Variants in EPS15L1 observed in about 807,000 individuals in gnomAD.
EPS15L1 encodes the protein epidermal growth factor receptor pathway substrate 15 like 1.
EPS15L1 carries 43 observed loss-of-function variants against 117.1 expected under a neutral mutation model. The ratio of observed to expected loss-of-function variants is 0.37; its 90% CI spans 0.29 to 0.47. EPS15L1 has a LOEUF of 0.47. Ranked by LOEUF, EPS15L1 falls within the 20% of genes least tolerant of loss-of-function variation. EPS15L1 has a pLI of 0.99. For synonymous variants in EPS15L1, 459 were observed against 470.5 expected, an observed-to-expected ratio of 0.98 and a Z score of 0.32; for missense variants, 981 against 1,164.0, an observed-to-expected ratio of 0.84 and a Z score of 2.29.
At chr19:16,393,218 G>A (rs2092499606) in intron 18 of EPS15L1, among the ~76,000 whole-genome samples, 1 of 151,730 alleles carries the variant, frequency 6.6e-6, no homozygotes, top group Non-Finnish European at 1.5e-5. Flanking sequence ...ATTGGGATGG[G>A]GTCTCCTTTT....
At chr19:16,436,191 G>A (rs1053922184) in intron 6 of EPS15L1, among the ~76,000 whole-genome samples, 1 of 152,188 alleles carries the variant, frequency 6.6e-6, no homozygotes, top group African/African-American at 2.4e-5. Flanking sequence ...AACATGGGAC[G>A]AAAGTGCTTG....
intron 19 of EPS15L1, among the ~76,000 whole-genome samples, chr19:16,386,597 A>G (rs963824421): frequency 7.2e-5 from 11 of 152,200 alleles, no homozygotes; most frequent in Non-Finnish European, 1.5e-4. Context: ...GAGGGTGCCT[A>G]AGATTCTGGT....
chr19:16,376,604 AATC>A (rs914515693), intron 22 of EPS15L1, among the ~76,000 whole-genome samples: 11 of 152,138 alleles, frequency 7.2e-5, no homozygotes, highest in African/African-American at 2.7e-4. Context: ...CACCAAGGAC[AATC>A]TCCCGCTCCC....
At chr19:16,456,879 G>A (rs947302567) in intron 1 of EPS15L1, among the ~76,000 whole-genome samples, 2 of 152,124 alleles carry the variant, frequency 1.3e-5, no homozygotes, top group African/African-American at 4.8e-5. Flanking sequence ...TCAGGTGGAA[G>A]GGCATGTGCA....
At chr19:16,418,638 T>C (rs2144929841) in intron 10 of EPS15L1, among the ~76,000 whole-genome samples, 1 of 152,230 alleles carries the variant, frequency 6.6e-6, no homozygotes, top group East Asian at 1.9e-4. Flanking sequence ...GGAACGTTTA[T>C]GTCCCCCCAG....
intron 22 of EPS15L1, among the ~76,000 whole-genome samples, chr19:16,373,416 T>C (rs1435395016): frequency 6.6e-6 from 1 of 152,054 alleles, no homozygotes; most frequent in African/African-American, 2.4e-5. Flanking sequence ...AGGCTTTTTT[T>C]GGTTTGTTTG....
At chr19:16,395,217 A>AC in intron 17 of EPS15L1, 127 bp downstream of exon 17, 1 of 963,922 alleles carries the variant, frequency 1.0e-6, no homozygotes, top group Non-Finnish European at 1.5e-6. Context: ...AAAAAAAAAA[A>AC]AAGGCATTCC....
chr19:16,424,651 T>C (rs1014847953), intron 9 of EPS15L1, among the ~76,000 whole-genome samples: 2 of 151,686 alleles, frequency 1.3e-5, no homozygotes, highest in African/African-American at 4.8e-5. Context: ...GTTGAAATAA[T>C]GAGATAAATG....
rs2093177225 is a variant in EPS15L1 at position 16,454,579 on chromosome 19, T to C, written c.34-12360A>G. On this transcript the variant is annotated intron_variant, in intron 1 of 23. Coordinates refer to ENST00000455140, the MANE Select transcript of EPS15L1 (RefSeq NM_001258374.3). Reference sequence around the variant, plus strand: ...CCCAGGGACCCAAATGAGTGCCTTGTGAGACCAGCAGAAGACGAACATGCT... The same window carrying C: ...CCCAGGGACCCAAATGAGTGCCTTGCGAGACCAGCAGAAGACGAACATGCT... Among the ~76,000 whole-genome samples the C allele has an allele frequency of 2.0e-5, 3 of 152,120 alleles. No homozygotes were observed. The South Asian group carries it at 6.2e-4, about 31-fold the overall frequency.
chr19:16,362,546 C>T (rs75912298), intron 22 of EPS15L1, among the ~76,000 whole-genome samples: 2,223 of 108,508 alleles, frequency 0.02, 89 homozygotes, highest in African/African-American at 0.074. Flanking sequence ...TTTTCAGAGA[C>T]AGAGTCTTGC....
intron 19 of EPS15L1, among the ~76,000 whole-genome samples, chr19:16,391,905 G>C (rs2092479738): frequency 6.6e-6 from 1 of 152,068 alleles, no homozygotes; most frequent in Admixed American, 6.5e-5. Context: ...ACCGTGCAGG[G>C]TGGCCGGGTC....
chr19:16,457,101 G>A (rs894121952), intron 1 of EPS15L1, among the ~76,000 whole-genome samples: 1 of 152,184 alleles, frequency 6.6e-6, no homozygotes, highest in African/African-American at 2.4e-5. Context: ...AACTCCAGCA[G>A]CCTGGGGACT....
At position 16,355,843 on chromosome 19, in the gene EPS15L1, A is replaced by G. The variant is rs2091972741; in HGVS notation, c.2595T>C (p.Asn865=). 1 of 1,535,662 alleles carries G rather than the reference A, an allele frequency of 6.5e-7. No individual in the cohort carries two copies. Reference sequence around the variant, plus strand: ...TGGCCCACGCCAGCTGCTGCTCCTCATTGCCAAACTGCAAAGGAAAAACGG... The same window carrying G: ...TGGCCCACGCCAGCTGCTGCTCCTCGTTGCCAAACTGCAAAGGAAAAACGG... The part of the protein sequence containing the change: ...SGFADFTSFG[N]EEQQLAWAKR... The change falls in exon 24 of 24, where the codon AAT becomes AAC. Residue 865 remains asparagine, a synonymous_variant. Coordinates refer to ENST00000455140, the MANE Select transcript of EPS15L1 (RefSeq NM_001258374.3).
intron 1 of EPS15L1, among the ~76,000 whole-genome samples, chr19:16,468,697 G>A (rs950607851): frequency 4.7e-5 from 7 of 149,414 alleles, no homozygotes; most frequent in African/African-American, 1.7e-4. Context: ...AAAGGTTTTT[G>A]GAACAGGGGA....
chr19:16,430,538 C>G lies in EPS15L1; in HGVS notation c.499-1777G>C, dbSNP rs140865748. On this transcript the variant is annotated intron_variant, in intron 7 of 23. Transcript: ENST00000455140. ...CAAGTGCTGGATGTGTGTCTTCACG[C>G]AGAGCACTAGGGCCCGGCCTGCCCA... is the stretch of plus-strand genomic sequence containing the variant. Among the ~76,000 whole-genome samples the G allele has an allele frequency of 1.3e-3, 202 of 152,342 alleles. 1 individual carries two copies. Among genetic ancestry groups the G allele is most frequent in the African/African-American group, 4.6e-3 (191 of 41,570 alleles).
intron 1 of EPS15L1, among the ~76,000 whole-genome samples, chr19:16,453,585 C>T (rs753842730): frequency 3.9e-5 from 6 of 152,034 alleles, no homozygotes; most frequent in Non-Finnish European, 8.8e-5. Context: ...TGGTGGCAGG[C>T]GCCTGCAGTC....
chr19:16,470,370 G>C (rs1039473943), intron 1 of EPS15L1, among the ~76,000 whole-genome samples: 1 of 151,460 alleles, frequency 6.6e-6, no homozygotes, highest in Non-Finnish European at 1.5e-5. Context: ...CTGGGTGACA[G>C]AGCAATACTC....
chr19:16,466,621 G>A, intron 1 of EPS15L1, among the ~76,000 whole-genome samples: 1 of 152,128 alleles, frequency 6.6e-6, no homozygotes, highest in East Asian at 1.9e-4. Context: ...CAGGCATGAG[G>A]GCCAGGCGCG....
chr19:16,401,743 G>T (rs988760859), intron 16 of EPS15L1: 5 of 985,430 alleles, frequency 5.1e-6, no homozygotes, highest in African/African-American at 3.5e-5. Context: ...CACAACTCCA[G>T]GGTCATGAGG....
Sources: allele counts gnomAD v4.1 joint callset (sites outside exome capture counted in the v4.1 genomes callset), GRCh38; gene constraint gnomAD v4.1.1; transcripts MANE v1.5; gene names NCBI Gene and HGNC (gene_info 2026-07-23, HGNC 2026-07-21).